Variants in TENM4 observed in about 807,000 individuals in gnomAD.
TENM4 encodes teneurin transmembrane protein 4, also known as teneurin-4.
A neutral mutation model predicts 243.3 loss-of-function variants in TENM4; 82 were observed. The ratio of observed to expected loss-of-function variants is 0.34; its 90% CI spans 0.28 to 0.40. The LOEUF (loss-of-function observed/expected upper bound fraction) is 0.40. TENM4 is among the 10% of genes least tolerant of loss of function. The pLI is 1.00. For synonymous variants in TENM4, 1,412 were observed against 1,456.3 expected (o/e 0.97, Z 0.69); for missense variants, 3,138 against 3,673.3 (o/e 0.85, Z 3.77).
chr11:79,376,388 C>G (rs1372496116), intron 1 of TENM4, among the ~76,000 whole-genome samples: 1 of 152,226 alleles, frequency 6.6e-6, no homozygotes, highest in African/African-American at 2.4e-5. Context: ...CAGTCTTGAT[C>G]ACATAGCTTT....
chr11:79,401,227 G>A (rs1858454876), intron 1 of TENM4, among the ~76,000 whole-genome samples: 1 of 152,146 alleles, frequency 6.6e-6, no homozygotes, highest in African/African-American at 2.4e-5. Context: ...CATGTATTGA[G>A]CAGTTATGTA....
chr11:78,667,092 T>A lies in TENM4; in HGVS notation c.7408+1845A>T, dbSNP rs78848245. ...AGACAGATGTAATGGAAATGTCATC[T>A]CAATCTGTCAAGTTTCTCTAGAACT... On this transcript the variant is annotated intron_variant, in intron 32 of 33. Transcript: ENST00000278550. 3.9e-5 allele frequency among the ~76,000 whole-genome samples: 6 copies of A among 152,310 alleles called. No homozygotes were observed. The East Asian group carries it at 1.2e-3, about 29-fold the overall frequency.
chr11:78,704,142 T>C (rs1054320452), intron 27 of TENM4, among the ~76,000 whole-genome samples: 3 of 131,034 alleles, frequency 2.3e-5, no homozygotes, highest in Admixed American at 8.1e-5. Context: ...TGTATGTCTA[T>C]GTGTATGTAT....
chr11:78,687,630 A>C (rs1590938984), intron 29 of TENM4, among the ~76,000 whole-genome samples: 1 of 152,226 alleles, frequency 6.6e-6, no homozygotes, highest in Non-Finnish European at 1.5e-5. Flanking sequence ...ATGAAATCCT[A>C]GAAGAGGCAC....
chr11:79,059,546 C>G (rs1350380972), intron 6 of TENM4, among the ~76,000 whole-genome samples: 1 of 152,228 alleles, frequency 6.6e-6, no homozygotes. Context: ...CACGGCAACA[C>G]TTCAAGGAAG....
At chr11:79,212,233 C>G (rs551661874) in intron 3 of TENM4, among the ~76,000 whole-genome samples, 1 of 152,142 alleles carries the variant, frequency 6.6e-6, no homozygotes, top group Non-Finnish European at 1.5e-5. Context: ...AAAAATGGAC[C>G]ATGGATCTGA....
At chr11:78,704,168 T>C (rs1313324820) in intron 27 of TENM4, among the ~76,000 whole-genome samples, 1 of 97,102 alleles carries the variant, frequency 1.0e-5, no homozygotes, top group East Asian at 2.8e-4. Context: ...TCTATATATA[T>C]ATATATATAT....
intron 2 of TENM4, among the ~76,000 whole-genome samples, chr11:79,220,314 T>C (rs1031453090): frequency 6.6e-6 from 1 of 152,206 alleles, no homozygotes; most frequent in African/African-American, 2.4e-5. Context: ...GTTCTGTACT[T>C]GACAATCAAG....
At chr11:79,135,790 TC>T (rs1214370717) in intron 4 of TENM4, among the ~76,000 whole-genome samples, 4 of 147,816 alleles carry the variant, frequency 2.7e-5, no homozygotes, top group Admixed American at 6.8e-5. Context: ...ATGATATATA[TC>T]ATTATATATG....
chr11:79,129,037 CTG>C (rs1215838804), intron 4 of TENM4, among the ~76,000 whole-genome samples: 1 of 152,216 alleles, frequency 6.6e-6, no homozygotes, highest in Non-Finnish European at 1.5e-5. Context: ...ACCCCAAATA[CTG>C]TGAGTGCCCC....
intron 2 of TENM4, among the ~76,000 whole-genome samples, chr11:79,228,615 AG>A (rs1864318418): frequency 6.6e-6 from 1 of 152,046 alleles, no homozygotes; most frequent in South Asian, 2.1e-4. Context: ...GGAGAAGCCA[AG>A]TTGGAAAACA....
At chr11:79,344,992 C>T (rs969908659) in intron 1 of TENM4, among the ~76,000 whole-genome samples, 1 of 151,920 alleles carries the variant, frequency 6.6e-6, no homozygotes, top group Non-Finnish European at 1.5e-5. Flanking sequence ...TTTTTCAGCC[C>T]ATCTTTCTTC....
intron 1 of TENM4, among the ~76,000 whole-genome samples, chr11:79,347,934 C>T (rs1464083248): frequency 4.0e-5 from 6 of 151,742 alleles, no homozygotes; most frequent in South Asian, 4.2e-4. Flanking sequence ...CGCCCGCCAC[C>T]GCGCCCGGCT....
At chr11:79,205,359 A>G (rs1421522334) in intron 3 of TENM4, among the ~76,000 whole-genome samples, 16 of 152,158 alleles carry the variant, frequency 1.1e-4, no homozygotes, top group Admixed American at 1.0e-3. Context: ...GTATGGGTTA[A>G]GTTCTATACA....
At chr11:79,314,078 G>T (rs1856765123) in intron 1 of TENM4, among the ~76,000 whole-genome samples, 1 of 152,166 alleles carries the variant, frequency 6.6e-6, no homozygotes, top group Non-Finnish European at 1.5e-5. Flanking sequence ...TGTTAAGGAG[G>T]ACTGGATTTG....
chr11:78,658,052 T>C lies in TENM4; in HGVS notation c.*6A>G, dbSNP rs746262848. 6 of 1,611,362 alleles carry C rather than the reference T, an allele frequency of 3.7e-6. No individual in the cohort carries two copies. The highest frequency in any genetic ancestry group is 4.5e-5 in the East Asian group (2 of 44,868). On this transcript the variant is annotated 3_prime_UTR_variant, in exon 34 of 34. Coordinates refer to ENST00000278550, the MANE Select transcript of TENM4 (RefSeq NM_001098816.3). ...GTCTTTGGCAAGAAGTCCTTGGTCC[T>C]CTCTGTCACCTCCGGCCCATCTCGC...
At chr11:79,037,002 C>A (rs1200161603) in intron 6 of TENM4, among the ~76,000 whole-genome samples, 6 of 70,824 alleles carry the variant, frequency 8.5e-5, no homozygotes, top group Admixed American at 4.4e-4. Context: ...GGCAACAGAA[C>A]AAGACTCCAT....
chr11:79,302,853 A>T (rs1017177550), intron 1 of TENM4, among the ~76,000 whole-genome samples: 11 of 152,168 alleles, frequency 7.2e-5, no homozygotes, highest in African/African-American at 2.7e-4. Flanking sequence ...ACTCACCACA[A>T]AGCACCTTAG....
intron 3 of TENM4, among the ~76,000 whole-genome samples, chr11:79,153,399 C>A (rs1862546539): frequency 6.6e-6 from 1 of 152,198 alleles, no homozygotes; most frequent in Non-Finnish European, 1.5e-5. Flanking sequence ...AGGGGCAGAG[C>A]AGCAGAAATC....
Sources: gnomAD v4.1 joint callset for allele counts (sites outside exome capture counted in the v4.1 genomes callset) on GRCh38, gnomAD v4.1.1 for gene constraint, MANE v1.5 for transcripts, NCBI Gene and HGNC (gene_info 2026-07-23, HGNC 2026-07-21) for gene names.